QSER1: variants seen among roughly 807,000 people sequenced by gnomAD.
QSER1 encodes glutamine and serine rich 1, also known as glutamine and serine-rich protein 1.
Under a neutral mutation model 158.5 loss-of-function variants are expected in QSER1, and 49 were observed. The observed-to-expected ratio is 0.31, with a 90% CI of 0.25 to 0.39. The LOEUF is 0.39. Among genes scored for constraint, QSER1 ranks in the 10% least tolerant of loss-of-function variants. The probability of loss-of-function intolerance (pLI) is 1.00; values close to 1 mark genes in which losing one functional copy is unlikely to be tolerated. For missense variants in QSER1, 1,754 were observed against 2,010.3 expected, an observed-to-expected ratio of 0.87 and a Z score of 2.44; for synonymous variants, 650 against 715.5, an observed-to-expected ratio of 0.91 and a Z score of 1.46.
chr11:32,969,352 G>T (rs1852808601), intron 10 of QSER1, among the ~76,000 whole-genome samples: 1 of 151,970 alleles, frequency 6.6e-6, no homozygotes, highest in Non-Finnish European at 1.5e-5. Flanking sequence ...GGCATTTATA[G>T]TTATCTATTA....
At chr11:32,971,040 C>T (rs1421441714) in intron 10 of QSER1, among the ~76,000 whole-genome samples, 1 of 141,326 alleles carries the variant, frequency 7.1e-6, no homozygotes, top group Non-Finnish European at 1.5e-5. Context: ...GCAACCTCCT[C>T]CTCTCCTGCC....
chr11:32,945,549 A>G (rs1852316415), intron 4 of QSER1, among the ~76,000 whole-genome samples: 1 of 152,186 alleles, frequency 6.6e-6, no homozygotes, highest in Non-Finnish European at 1.5e-5. Context: ...TTCTTTAAGA[A>G]TGTTGAATAT....
chr11:32,906,370 C>T (rs549821110), intron 1 of QSER1, among the ~76,000 whole-genome samples: 8 of 152,108 alleles, frequency 5.3e-5, no homozygotes, highest in Middle Eastern at 6.8e-3. Flanking sequence ...TGCAGTGAGC[C>T]GAGATCGGCG....
At chr11:32,915,372 G>C (rs1173497150) in intron 1 of QSER1, among the ~76,000 whole-genome samples, 1 of 152,054 alleles carries the variant, frequency 6.6e-6, no homozygotes, top group East Asian at 1.9e-4. Context: ...GCTAGGGCTG[G>C]GAATATGAAG....
intron 1 of QSER1, among the ~76,000 whole-genome samples, chr11:32,898,887 C>T (rs1197738019): frequency 1.3e-5 from 2 of 152,202 alleles, no homozygotes; most frequent in Non-Finnish European, 2.9e-5. Flanking sequence ...TTGAATCATC[C>T]TAAATTCCTT....
At position 32,931,963 on chromosome 11, in the gene QSER1, G is replaced by A. The variant is rs1300139362; in HGVS notation, c.705G>A (p.Gln235=). The A allele has an allele frequency of 1.2e-6, 2 of 1,614,022 alleles. No homozygotes were observed. Among genetic ancestry groups the A allele is most frequent in the African/African-American group, 1.3e-5 (1 of 74,934 alleles). ...HDPLLQIKTS[Q]GTVPTALAFE... The stretch of plus-strand genomic sequence containing the variant: ...CTTTGCTACAAATCAAGACTTCCCA[G>A]GGAACTGTTCCAACTGCTTTGGCAT... Residue 235 remains glutamine, a synonymous_variant, in exon 4 of 13, where the codon CAG becomes CAA. Transcript: ENST00000650167.
At chr11:32,910,925 T>C (rs868564569) in intron 1 of QSER1, among the ~76,000 whole-genome samples, 3 of 152,226 alleles carry the variant, frequency 2.0e-5, no homozygotes, top group Non-Finnish European at 4.4e-5. Flanking sequence ...CACAGAACTT[T>C]GTAGCGCGAG....
chr11:32,950,790 T>C (rs1852408519), intron 4 of QSER1, among the ~76,000 whole-genome samples: 1 of 152,242 alleles, frequency 6.6e-6, no homozygotes, highest in African/African-American at 2.4e-5. Flanking sequence ...CTTCTGTAAC[T>C]GGCTTCTTTC....
chr11:32,923,039 T>C (rs1851918648), intron 1 of QSER1, among the ~76,000 whole-genome samples: 2 of 152,166 alleles, frequency 1.3e-5, no homozygotes, highest in Admixed American at 1.3e-4. Context: ...GCCCCAGATG[T>C]CTCTCAACTG....
Position 32,953,952 on chromosome 11 carries a change from C to T in QSER1, c.4273C>T (p.Leu1425Phe), listed in dbSNP as rs1429891766. The T allele has an allele frequency of 5.0e-6, 8 of 1,614,072 alleles. No individual in the cohort carries two copies. In the Admixed American group the frequency reaches 1.3e-4, roughly 27 times the overall value. ...TGTGGGTGCAGTTAAGCAAGAACCT[C>T]TCCACTCTACTTCATATGCAGTAAA... ...TTVGAVKQEP[L>F]HSTSYAVNIL... The change falls in exon 5 of 13, where the codon CTC (leucine) becomes TTC (phenylalanine). Residue 1425 changes from leucine to phenylalanine, a missense_variant. Leu to Phe is a conservative substitution (Grantham distance 22, BLOSUM62 0). Transcript: ENST00000650167.
At chr11:32,961,254 T>G (rs1168421133) in intron 8 of QSER1, among the ~76,000 whole-genome samples, 10 of 152,172 alleles carry the variant, frequency 6.6e-5, no homozygotes, top group Non-Finnish European at 1.5e-4. Context: ...GGATTTCAAT[T>G]GCCTTCTCAG....
intron 8 of QSER1, among the ~76,000 whole-genome samples, chr11:32,965,181 A>G (rs1852716617): frequency 6.6e-6 from 1 of 151,972 alleles, no homozygotes; most frequent in Non-Finnish European, 1.5e-5. Context: ...GCGCAGTCAC[A>G]GTTCTCTGCA....
At chr11:32,907,514 A>G (rs183311189) in intron 1 of QSER1, among the ~76,000 whole-genome samples, 2 of 152,342 alleles carry the variant, frequency 1.3e-5, no homozygotes, top group South Asian at 2.1e-4. Flanking sequence ...AATTTGGTAA[A>G]TGAAAGACTA....
chr11:32,906,376 C>A lies in QSER1; in HGVS notation c.209+13042C>A, dbSNP rs961235885. Among the ~76,000 whole-genome samples the A allele has an allele frequency of 7.9e-5, 12 of 151,994 alleles. No individual in the cohort carries two copies. In the South Asian group the frequency reaches 2.5e-3, roughly 31 times the overall value. ...GGCAGAGGTTGCAGTGAGCCGAGAT[C>A]GGCGCCACTGCACTCCAGCCAGGGC... On this transcript the variant is annotated intron_variant, in intron 1 of 12. Coordinates refer to ENST00000650167, the MANE Select transcript of QSER1 (RefSeq NM_001076786.3).
At chr11:32,901,624 G>T (rs1851626378) in intron 1 of QSER1, among the ~76,000 whole-genome samples, 1 of 152,208 alleles carries the variant, frequency 6.6e-6, no homozygotes, top group South Asian at 2.1e-4. Context: ...CAGTCTGTTG[G>T]TCAAAGCAGT....
intron 8 of QSER1, among the ~76,000 whole-genome samples, chr11:32,958,975 A>G (rs1852573975): frequency 1.3e-5 from 2 of 152,212 alleles, no homozygotes; most frequent in Admixed American, 1.3e-4. Context: ...GGATCCTAAA[A>G]TGCATTTATG....
Position 32,934,676 on chromosome 11 carries a change from A to G in QSER1, c.3418A>G (p.Ser1140Gly). The G allele has an allele frequency of 6.2e-7, 1 of 1,613,892 alleles. No homozygotes were observed. The highest frequency in any genetic ancestry group is 8.5e-7 in the Non-Finnish European group (1 of 1,179,912). ...CAGAAACCAAGAGTTTGTTTCTAGT[A>G]GTAGAAGTATAAGTGGAGAGAATGC... ...NNRNQEFVSS[S>G]RSISGENATS... is the part of the protein sequence containing the mutation. Residue 1140 changes from serine (S) to glycine (G), a missense_variant, in exon 4 of 13, where the codon AGT becomes GGT. Ser to Gly is a moderately conservative substitution (Grantham distance 56, BLOSUM62 0). Coordinates refer to ENST00000650167, the MANE Select transcript of QSER1 (RefSeq NM_001076786.3).
rs1398180599 is a variant in QSER1 at position 32,979,793 on chromosome 11, T to C, written c.*3319T>C. 5 of 152,360 alleles carry C rather than the reference T, an allele frequency of 3.3e-5. No individual in the cohort carries two copies. The highest frequency in any genetic ancestry group is 7.3e-5 in the Non-Finnish European group (5 of 68,028). 9.4% of individuals were successfully genotyped at this position (152,360 alleles called of 1,614,324 possible). ...ATCCCAACCCATGACTTTGGAGATA[T>C]ACCTATAAAACCAATATAACAGCAG... On this transcript the variant is annotated 3_prime_UTR_variant, in exon 13 of 13. Transcript: ENST00000650167.
chr11:32,935,528 C>G, intron 4 of QSER1, 93 bp downstream of exon 4: 1 of 928,262 alleles, frequency 1.1e-6, no homozygotes, highest in African/African-American at 1.7e-5. Context: ...TAAAGCAGGT[C>G]TGCAAGTACA....
Sources: gnomAD v4.1 joint callset for allele counts (sites outside exome capture counted in the v4.1 genomes callset) on GRCh38, gnomAD v4.1.1 for gene constraint, MANE v1.5 for transcripts, NCBI Gene and HGNC (gene_info 2026-07-23, HGNC 2026-07-21) for gene names.